PGF: variants seen among roughly 807,000 people sequenced by gnomAD.
PGF encodes the protein placental growth factor.
In PGF, 11 loss-of-function variants were observed where a neutral mutation model predicts 25.3. That is an observed-to-expected ratio of 0.43 (90% confidence interval 0.27 to 0.72). The LOEUF is 0.72. Among genes scored for constraint, PGF ranks in the 30% least tolerant of loss-of-function variants. The pLI is 0.18. For synonymous variants in PGF, 105 were observed against 97.9 expected, an observed-to-expected ratio of 1.07 and a Z score of -0.43; for missense variants, 230 against 234.9, an observed-to-expected ratio of 0.98 and a Z score of 0.14.
chr14:74,950,803 T>G lies in PGF; in HGVS notation c.119-1250A>C, dbSNP rs759148216. Among the ~76,000 whole-genome samples the G allele has an allele frequency of 2.0e-5, 3 of 152,122 alleles. No individual in the cohort carries two copies. Among genetic ancestry groups the G allele is most frequent in the African/African-American group, 4.8e-5 (2 of 41,436 alleles). On this transcript the variant is annotated intron_variant, in intron 2 of 6. Coordinates refer to ENST00000555567, the MANE Select transcript of PGF (RefSeq NM_002632.6). This position sits in a 1 kb window ranked among gnomAD's most constrained non-coding sequence, Gnocchi z 4.1. ...GCAACCCAGCCCAGCCCAGAGACCA[T>G]GGACAGAGAAACACCCCCAGGCCTG...
At chr14:74,949,643 A>G in intron 2 of PGF, 90 bp from the exon 3 acceptor site, 1 of 1,052,098 alleles carries the variant, frequency 9.5e-7, no homozygotes. Flanking sequence ...CTGGCCTTCC[A>G]GGTTCAGCCC....
At chr14:74,944,324 G>C (rs577840933) in intron 6 of PGF, among the ~76,000 whole-genome samples, 14 of 151,786 alleles carry the variant, frequency 9.2e-5, no homozygotes, top group East Asian at 1.9e-4. Context: ...GGATGGTCTC[G>C]ATCTCCTAAC....
In PGF at chr14:74,948,588, A is replaced by G; in HGVS notation, c.316-5T>C. ...CCCAGAACGGATCTTTAGGAGCTGAAGGAAGAAAGAGTTGATGCCTGGATT... is the reference window on the plus strand; with the variant it reads ...CCCAGAACGGATCTTTAGGAGCTGAGGGAAGAAAGAGTTGATGCCTGGATT... On this transcript the variant is annotated splice_region_variant and splice_polypyrimidine_tract_variant and intron_variant, in intron 3 of 6. Transcript: ENST00000555567. 1 of 1,593,380 alleles carries G rather than the reference A, an allele frequency of 6.3e-7. No homozygotes were observed. Among genetic ancestry groups the G allele is most frequent in the Non-Finnish European group, 8.6e-7 (1 of 1,164,242 alleles).
intron 6 of PGF, 97 bp from the exon 7 acceptor site, chr14:74,942,830 T>C (rs1888636098): frequency 1.7e-6 from 2 of 1,204,246 alleles, no homozygotes; most frequent in Non-Finnish European, 2.3e-6. Flanking sequence ...AGGAGGAGCT[T>C]GGGCAGGGAG....
intron 2 of PGF, among the ~76,000 whole-genome samples, chr14:74,951,629 T>C (rs1182675951): frequency 6.6e-6 from 1 of 152,196 alleles, no homozygotes; most frequent in Non-Finnish European, 1.5e-5. Flanking sequence ...TGCGGGGCCA[T>C]GGCCACCTTT....
At chr14:74,943,465 G>C (rs536093502) in intron 6 of PGF, among the ~76,000 whole-genome samples, 1 of 152,190 alleles carries the variant, frequency 6.6e-6, no homozygotes, top group Non-Finnish European at 1.5e-5. Flanking sequence ...TTGTCAGCCA[G>C]GATATCATGA....
chr14:74,942,684 TCTCTCTCCTCC>T lies in PGF; in HGVS notation c.*11_*21del, dbSNP rs1293213628. The stretch of plus-strand genomic sequence containing the variant: ...ATAAATACACGAGCCGGGTGCGGGG[TCTCTCTCCTCC>T]AAGGGGTGGGTTACCTCCGGGGAAC... On this transcript the variant is annotated 3_prime_UTR_variant, in exon 7 of 7. Transcript: ENST00000555567. 3.7e-6 allele frequency: 6 copies of T among 1,611,152 alleles called. No homozygotes were observed. The highest frequency in any genetic ancestry group is 2.2e-5 in the South Asian group (2 of 90,714).
At position 74,946,256 on chromosome 14, in the gene PGF, C is replaced by T. The variant is rs747398448; in HGVS notation, c.442G>A (p.Gly148Arg). 2 of 1,614,230 alleles carry T rather than the reference C, an allele frequency of 1.2e-6. No homozygotes were observed. Among genetic ancestry groups the T allele is most frequent in the South Asian group, 2.2e-5 (2 of 91,090 alleles). The change falls in exon 6 of 7, where the codon GGG becomes AGG. Residue 148 changes from glycine to arginine, a missense_variant. Transcript: ENST00000555567. ...KPERRRPKGR[G>R]KRRREKQRPT... ...CTCTGCTTCTCTCTCCTCCTCTTCCCCCTGCCCTTGGGTCTCCTCCTGCAA... is the reference window on the plus strand; with the variant it reads ...CTCTGCTTCTCTCTCCTCCTCTTCCTCCTGCCCTTGGGTCTCCTCCTGCAA...
Position 74,953,584 on chromosome 14 carries a change from C to T in PGF, c.118+320G>A, listed in dbSNP as rs556003574. On this transcript the variant is annotated intron_variant, in intron 2 of 6. Coordinates refer to ENST00000555567, the MANE Select transcript of PGF (RefSeq NM_002632.6). The surrounding 1 kb of genome is among the most constrained non-coding windows in gnomAD (Gnocchi z 5.4). ...CCATTCTGGCCCCTGGCACTCACTC[C>T]CCACCCTGTCCTCCAAGACCCCATC... 1.3e-5 allele frequency among the ~76,000 whole-genome samples: 2 copies of T among 152,220 alleles called. No individual in the cohort carries two copies. Among genetic ancestry groups the T allele is most frequent in the East Asian group, 3.9e-4 (2 of 5,166 alleles).
In PGF at chr14:74,942,654, C is replaced by T; in HGVS notation, c.*52G>A. ...CAGCAGGAGTCACTGAAGAGTGTGA[C>T]GGTAATAAATACACGAGCCGGGTGC... On this transcript the variant is annotated 3_prime_UTR_variant, in exon 7 of 7. Transcript: ENST00000555567. 7 of 1,564,334 alleles carry T rather than the reference C, an allele frequency of 4.5e-6. No individual in the cohort carries two copies. Among genetic ancestry groups the T allele is most frequent in the Middle Eastern group, 1.7e-4 (1 of 5,950 alleles).
At chr14:74,947,276 A>G in intron 4 of PGF, 1 of 222,514 alleles carries the variant, frequency 4.5e-6, no homozygotes, top group Non-Finnish European at 8.8e-6. Flanking sequence ...GTCACCACCC[A>G]GCATTGCACC....
chr14:74,952,396 G>A (rs544284057), intron 2 of PGF, among the ~76,000 whole-genome samples: 1 of 152,348 alleles, frequency 6.6e-6, no homozygotes, highest in South Asian at 2.1e-4. Flanking sequence ...GGTTCTGCCA[G>A]ATCCATGAGG....
intron 2 of PGF, among the ~76,000 whole-genome samples, chr14:74,952,135 C>T (rs534252033): frequency 3.9e-5 from 6 of 152,326 alleles, no homozygotes; most frequent in Admixed American, 3.9e-4. Context: ...CTCGCCAGCC[C>T]TGTGAGTGAG....
intron 1 of PGF, 88 bp from the exon 2 acceptor site, chr14:74,954,034 C>T: frequency 7.5e-7 from 1 of 1,335,374 alleles, no homozygotes; most frequent in Non-Finnish European, 1.1e-6. Context: ...AGGTAGGGGC[C>T]CCTCTGGGTT....
intron 3 of PGF, among the ~76,000 whole-genome samples, chr14:74,948,930 G>C (rs1376580679): frequency 1.3e-5 from 2 of 152,210 alleles, no homozygotes; most frequent in Non-Finnish European, 2.9e-5. Flanking sequence ...AAATGGGAAT[G>C]ACACCAGCCT....
chr14:74,949,525 G>A lies in PGF; in HGVS notation c.147C>T (p.Arg49=), dbSNP rs375371192. The A allele has an allele frequency of 7.7e-5, 122 of 1,591,620 alleles. No individual in the cohort carries two copies. Among genetic ancestry groups the A allele is most frequent in the Admixed American group, 1.2e-4 (7 of 57,522 alleles). Reference sequence around the variant, plus strand: ...GCCTCTCCAGCGCCCGGCAGTAGCTGCGGCCCCACACTTCCTGGAAGGGTA... The same window carrying A: ...GCCTCTCCAGCGCCCGGCAGTAGCTACGGCCCCACACTTCCTGGAAGGGTA... ...EVVPFQEVWG[R]SYCRALERLV... The change falls in exon 3 of 7, where the codon CGC becomes CGT. Residue 49 remains arginine (R), a synonymous_variant. Coordinates refer to ENST00000555567, the MANE Select transcript of PGF (RefSeq NM_002632.6).
chr14:74,955,068 T>G lies in PGF; in HGVS notation c.75+100A>C, dbSNP rs1005382186. On this transcript the variant is annotated intron_variant, in intron 1 of 6. Coordinates refer to ENST00000555567, the MANE Select transcript of PGF (RefSeq NM_002632.6). The surrounding 1 kb of genome is among the most constrained non-coding windows in gnomAD (Gnocchi z 4.1). ...AGGAAGTGTGTGGACATCCTTGGAG[T>G]TGCTGCTCCCTGGAGTGGGTCTGTG... 4 of 558,448 alleles carry G rather than the reference T, an allele frequency of 7.2e-6. No homozygotes were observed. Among genetic ancestry groups the G allele is most frequent in the Admixed American group, 4.2e-5 (1 of 24,048 alleles). The allele number at this position is 558,448 out of a possible 1,614,324, so 34.6% of individuals were successfully genotyped here.
At chr14:74,944,081 A>ATTT (rs58701358) in intron 6 of PGF, among the ~76,000 whole-genome samples, 1 of 133,276 alleles carries the variant, frequency 7.5e-6, no homozygotes, top group East Asian at 2.1e-4. Context: ...GTGTTCCTGT[A>ATTT]TTTTTTTTTT....
rs1235729507 is a variant in PGF at position 74,948,494 on chromosome 14, C to T, written c.392+13G>A. The T allele has an allele frequency of 2.6e-6, 4 of 1,565,606 alleles. No homozygotes were observed. Among genetic ancestry groups the T allele is most frequent in the East Asian group, 4.6e-5 (2 of 43,566 alleles). ...GGCCTTTCCTTGCTACCCACCCGACCCCGGAGACCTACCGGCATTCGCAGC... is the reference window on the plus strand; with the variant it reads ...GGCCTTTCCTTGCTACCCACCCGACTCCGGAGACCTACCGGCATTCGCAGC... On this transcript the variant is annotated intron_variant, in intron 4 of 6. Coordinates refer to ENST00000555567, the MANE Select transcript of PGF (RefSeq NM_002632.6).
Sources: gnomAD v4.1 joint callset for allele counts (sites outside exome capture counted in the v4.1 genomes callset) on GRCh38, gnomAD v4.1.1 for gene constraint, Gnocchi (gnomAD v3.1) non-coding constraint, MANE v1.5 for transcripts, NCBI Gene and HGNC (gene_info 2026-07-23, HGNC 2026-07-21) for gene names.